The following OSBPL10 variants were observed in gnomAD, a reference collection of about 807,000 sequenced individuals.
The protein encoded by OSBPL10 is oxysterol binding protein like 10, also known as oxysterol-binding protein-related protein 10.
Under a neutral mutation model 81.7 loss-of-function variants are expected in OSBPL10, and 49 were observed. The ratio of observed to expected loss-of-function variants is 0.60; its 90% CI spans 0.48 to 0.76. OSBPL10 has a LOEUF of 0.76. Ranked by LOEUF, OSBPL10 falls within the 30% of genes least tolerant of loss-of-function variation. OSBPL10 has a pLI of 0.00. For synonymous variants in OSBPL10, 419 were observed against 383.6 expected (o/e 1.09, Z -1.08); for missense variants, 923 against 987.8 (o/e 0.93, Z 0.88).
chr3:31,743,448 G>A (rs908587778), intron 5 of OSBPL10, among the ~76,000 whole-genome samples: 6 of 152,210 alleles, frequency 3.9e-5, no homozygotes, highest in Non-Finnish European at 7.3e-5. Context: ...AGGTCTGGGA[G>A]CCCAAATGTA....
intron 3 of OSBPL10, among the ~76,000 whole-genome samples, chr3:31,870,200 G>T (rs1701283914): frequency 6.6e-6 from 1 of 152,234 alleles, no homozygotes; most frequent in African/African-American, 2.4e-5. Flanking sequence ...GGGCTTGGAG[G>T]GCCCCGCACT....
chr3:31,989,834 A>C (rs769115005), intron 2 of OSBPL10: 11 of 1,614,052 alleles, frequency 6.8e-6, no homozygotes, highest in Non-Finnish European at 8.5e-6. Flanking sequence ...CAGATAATCT[A>C]TTTAGGAGGG....
intron 1 of OSBPL10, among the ~76,000 whole-genome samples, chr3:31,951,245 G>A (rs1268354589): frequency 1.3e-5 from 2 of 151,946 alleles, no homozygotes; most frequent in Admixed American, 6.6e-5. Context: ...CACAATAACG[G>A]GAATCAATTT....
rs1157467382 is a variant in OSBPL10, at chr3:31,747,917, T to C, written c.933A>G (p.Gly311=). Residue 311 remains glycine, a synonymous_variant, in exon 5 of 12, where the codon GGA becomes GGG. Coordinates refer to ENST00000396556, the MANE Select transcript of OSBPL10 (RefSeq NM_017784.5). ...HQAGQPSQKP[G]ASENILGWHG... ...AGCCCCCGGGGGTCTTACCCGAGGC[T>C]CCTGGCTTCTGGCTGGGCTGGCCCG... The C allele has an allele frequency of 6.2e-7, 1 of 1,613,412 alleles. No individual in the cohort carries two copies. The highest frequency in any genetic ancestry group is 1.3e-5 in the African/African-American group (1 of 75,014).
Position 31,904,096 on chromosome 3 carries a change from G to A in OSBPL10, c.282-24266C>T, listed in dbSNP as rs868541519. On this transcript the variant is annotated intron_variant, in intron 1 of 11. Coordinates refer to ENST00000396556, the MANE Select transcript of OSBPL10 (RefSeq NM_017784.5). ...GGGCTGACAGGTCCCAGCCAGGATG[G>A]AGCCCACATTCTGCCTCTTCCGGCC... 2.0e-5 allele frequency among the ~76,000 whole-genome samples: 3 copies of A among 152,230 alleles called. No individual in the cohort carries two copies. The South Asian group carries it at 6.2e-4, about 32-fold the overall frequency.
intron 3 of OSBPL10, among the ~76,000 whole-genome samples, chr3:31,868,902 G>C (rs1431963959): frequency 6.6e-6 from 1 of 152,170 alleles, no homozygotes; most frequent in African/African-American, 2.4e-5. Context: ...GATTTTGAAT[G>C]ATCCTACATT....
chr3:31,881,507 A>G (rs1464030635), intron 1 of OSBPL10, among the ~76,000 whole-genome samples: 7 of 152,240 alleles, frequency 4.6e-5, no homozygotes, highest in African/African-American at 1.7e-4. Context: ...ATATTTTTGC[A>G]AAGAGTTTCA....
chr3:31,848,788 G>T (rs1233077211), intron 3 of OSBPL10, among the ~76,000 whole-genome samples: 2 of 152,222 alleles, frequency 1.3e-5, no homozygotes, highest in African/African-American at 4.8e-5. Flanking sequence ...ACATTAAAAT[G>T]AAACAGAAGG....
chr3:32,020,028 A>G (rs748915045), intron 2 of OSBPL10, among the ~76,000 whole-genome samples: 1 of 152,238 alleles, frequency 6.6e-6, no homozygotes, highest in South Asian at 2.1e-4. Context: ...AGCCGAGTCA[A>G]TGAGCCTACA....
rs542377705 is a variant in OSBPL10 at position 31,931,343 on chromosome 3, T to C, written c.281+49556A>G. On this transcript the variant is annotated intron_variant, in intron 1 of 11. Transcript: ENST00000396556. ...AATTCTGATGATTCTCTCTAAAACA[T>C]CTCTTGCTTAACCTATTTCCTTTCC... Among the ~76,000 whole-genome samples the C allele has an allele frequency of 5.3e-5, 8 of 152,258 alleles. No homozygotes were observed. In the South Asian group the frequency reaches 1.7e-3, roughly 32 times the overall value.
At chr3:31,955,828 C>G (rs1287626517) in intron 1 of OSBPL10, among the ~76,000 whole-genome samples, 1 of 152,240 alleles carries the variant, frequency 6.6e-6, no homozygotes, top group African/African-American at 2.4e-5. Context: ...CAGACACACT[C>G]ATGCAAGATC....
intron 5 of OSBPL10, among the ~76,000 whole-genome samples, chr3:31,743,581 T>A (rs1697425779): frequency 6.6e-6 from 1 of 151,680 alleles, no homozygotes; most frequent in Non-Finnish European, 1.5e-5. Flanking sequence ...CAAACATATA[T>A]CCCAGAAGAC....
chr3:31,674,561 A>C (rs1230356482), intron 8 of OSBPL10, among the ~76,000 whole-genome samples: 2 of 151,086 alleles, frequency 1.3e-5, no homozygotes, highest in African/African-American at 4.9e-5. Flanking sequence ...CCCTGTCTCA[A>C]ATAGATAGAC....
At chr3:32,018,745 C>T (rs1295383727) in intron 2 of OSBPL10, among the ~76,000 whole-genome samples, 1 of 152,160 alleles carries the variant, frequency 6.6e-6, no homozygotes, top group African/African-American at 2.4e-5. Context: ...TTGAAGACAT[C>T]AGTGGCTGAA....
intron 8 of OSBPL10, among the ~76,000 whole-genome samples, chr3:31,681,562 T>C (rs927765030): frequency 2.6e-5 from 4 of 152,212 alleles, no homozygotes; most frequent in Non-Finnish European, 5.9e-5. Flanking sequence ...CCAAAATCCA[T>C]GATCCCTTCT....
chr3:31,832,588 A>G (rs778732370), intron 3 of OSBPL10, among the ~76,000 whole-genome samples: 6 of 152,218 alleles, frequency 3.9e-5, no homozygotes, highest in Admixed American at 6.5e-5. Context: ...GATACCTATA[A>G]TATTGCTGGG....
At chr3:31,877,933 C>T (rs1339625761) in intron 2 of OSBPL10, among the ~76,000 whole-genome samples, 2 of 152,112 alleles carry the variant, frequency 1.3e-5, no homozygotes, top group African/African-American at 4.8e-5. Context: ...AAAAATACTC[C>T]CAAAAGCTGT....
chr3:32,022,331 ACCCAAACT>A (rs768931073), intron 2 of OSBPL10, among the ~76,000 whole-genome samples: 9 of 152,110 alleles, frequency 5.9e-5, no homozygotes, highest in Non-Finnish European at 1.2e-4. Flanking sequence ...CATACTTAAG[ACCCAAACT>A]CCCAGATGGT....
intron 3 of OSBPL10, among the ~76,000 whole-genome samples, chr3:31,856,938 T>A (rs1485637117): frequency 6.6e-6 from 1 of 152,150 alleles, no homozygotes; most frequent in Non-Finnish European, 1.5e-5. Context: ...TAGCTGGGCA[T>A]GGTGGCGGGC....
Sources: gnomAD v4.1 joint callset for allele counts (sites outside exome capture counted in the v4.1 genomes callset) on GRCh38, gnomAD v4.1.1 for gene constraint, MANE v1.5 for transcripts, NCBI Gene and HGNC (gene_info 2026-07-23, HGNC 2026-07-21) for gene names.